NCALD: variants seen among roughly 807,000 people sequenced by gnomAD.
NCALD encodes neurocalcin-delta.
In NCALD, 10 loss-of-function variants were observed where a neutral mutation model predicts 18.6. That is an observed-to-expected ratio of 0.54 (90% CI 0.33 to 0.91). The LOEUF is 0.91. Ranked by LOEUF, NCALD falls within the 40% of genes least tolerant of loss-of-function variation. The probability of loss-of-function intolerance (pLI) is 0.03; values close to 1 mark genes in which losing one functional copy is unlikely to be tolerated. For synonymous variants in NCALD, 88 were observed against 87.4 expected, an observed-to-expected ratio of 1.01 and a Z score of -0.04; for missense variants, 184 against 247.6, an observed-to-expected ratio of 0.74 and a Z score of 1.72.
In NCALD at chr8:101,854,927, T is replaced by C. The variant is rs538638714; in HGVS notation, c.-20+32214A>G. On this transcript the variant is annotated intron_variant, in intron 4 of 6. Transcript: ENST00000311028. Reference sequence around the variant, plus strand: ...AGGGATACTGAGATCAATAATGCCATTGTGTTGGTCCAACTGGGGAAGACT... The same window carrying C: ...AGGGATACTGAGATCAATAATGCCACTGTGTTGGTCCAACTGGGGAAGACT... Among the ~76,000 whole-genome samples the C allele has an allele frequency of 3.9e-5, 6 of 152,248 alleles. No individual in the cohort carries two copies. In the South Asian group the frequency reaches 1.0e-3, roughly 26 times the overall value.
chr8:101,831,041 T>A (rs1051976068), intron 4 of NCALD, among the ~76,000 whole-genome samples: 1 of 152,072 alleles, frequency 6.6e-6, no homozygotes, highest in Non-Finnish European at 1.5e-5. Flanking sequence ...CTGGCTTGAG[T>A]GTACATGATG....
rs981880430 is a variant in NCALD, at chr8:101,872,379, C to A, written c.-20+14762G>T. 31 of 1,527,040 alleles carry A rather than the reference C, an allele frequency of 2.0e-5. No homozygotes were observed. In the African/African-American group the frequency reaches 3.0e-4, roughly 15 times the overall value. 94.6% of individuals were successfully genotyped at this position (1,527,040 alleles called of 1,614,324 possible). A position where few individuals can be genotyped will look rare whatever the true frequency, so the allele number is the denominator to read the frequency against. On this transcript the variant is annotated intron_variant, in intron 4 of 6. Transcript: ENST00000311028. Reference sequence around the variant, plus strand: ...CCTCATTAAACTCGTCTTCATGATCCTCCAGCTCTTCCAAAGTCATATCTT... The same window carrying A: ...CCTCATTAAACTCGTCTTCATGATCATCCAGCTCTTCCAAAGTCATATCTT...
chr8:102,081,564 A>C (rs754045168), intron 1 of NCALD, among the ~76,000 whole-genome samples: 12,276 of 113,722 alleles, frequency 0.11, 794 homozygotes, highest in South Asian at 0.15. Flanking sequence ...AAAAAAAAAA[A>C]AAAAAAAAAA....
At chr8:101,995,060 T>C (rs1821187087) in intron 2 of NCALD, among the ~76,000 whole-genome samples, 1 of 152,238 alleles carries the variant, frequency 6.6e-6, no homozygotes. Context: ...AGTTTGCTTC[T>C]TCTGAACTCA....
At chr8:101,948,244 A>G (rs1819254609) in intron 2 of NCALD, among the ~76,000 whole-genome samples, 1 of 152,246 alleles carries the variant, frequency 6.6e-6, no homozygotes, top group African/African-American at 2.4e-5. Flanking sequence ...ATATAAAGAA[A>G]CAGACAATGT....
intron 2 of NCALD, among the ~76,000 whole-genome samples, chr8:101,993,225 G>A (rs761455564): frequency 7.3e-5 from 11 of 150,518 alleles, no homozygotes; most frequent in South Asian, 2.1e-4. Flanking sequence ...ACCTACTGCC[G>A]CCACTTTTTC....
At chr8:101,854,643 C>T (rs182635512) in intron 4 of NCALD, among the ~76,000 whole-genome samples, 1 of 152,226 alleles carries the variant, frequency 6.6e-6, no homozygotes, top group East Asian at 1.9e-4. Flanking sequence ...CTGTATTTTG[C>T]TGCTGAATAA....
chr8:101,767,658 C>T (rs1219885178), intron 1 of NCALD, among the ~76,000 whole-genome samples: 1 of 152,246 alleles, frequency 6.6e-6, no homozygotes, highest in Non-Finnish European at 1.5e-5. Flanking sequence ...AGGTCATGAT[C>T]CTTACCATTC....
chr8:101,954,357 A>G (rs1398616000), intron 2 of NCALD, among the ~76,000 whole-genome samples: 1 of 152,104 alleles, frequency 6.6e-6, no homozygotes, highest in Non-Finnish European at 1.5e-5. Context: ...GAAAGCAGAA[A>G]TATTCCCAGC....
In NCALD at chr8:101,824,183, T is replaced by C. The variant is rs549837606; in HGVS notation, c.-20+62958A>G. Among the ~76,000 whole-genome samples the C allele has an allele frequency of 3.4e-4, 52 of 152,326 alleles. No homozygotes were observed. The Middle Eastern group carries it at 0.01, about 30-fold the overall frequency. ...TCCTGGCCCAGTCCCAACCTTTATA[T>C]AGAAGCTGGAATATGCTATTATTAC... On this transcript the variant is annotated intron_variant, in intron 4 of 6. Coordinates refer to the NCALD transcript ENST00000311028.
chr8:101,729,164 C>G (rs972347375), intron 1 of NCALD, among the ~76,000 whole-genome samples: 1 of 152,164 alleles, frequency 6.6e-6, no homozygotes, highest in Non-Finnish European at 1.5e-5. Flanking sequence ...CCGAAGAGCA[C>G]ATTGCTTCAG....
intron 2 of NCALD, among the ~76,000 whole-genome samples, chr8:101,938,796 G>T (rs890504847): frequency 1.3e-5 from 2 of 152,164 alleles, no homozygotes; most frequent in African/African-American, 4.8e-5. Context: ...CTGAGCACAG[G>T]GACATGACCC....
At chr8:101,733,991 GC>G (rs2130619167) in intron 1 of NCALD, among the ~76,000 whole-genome samples, 1 of 152,322 alleles carries the variant, frequency 6.6e-6, no homozygotes, top group South Asian at 2.1e-4. Context: ...GATCCCACGA[GC>G]CCCGCTTGAG....
intron 2 of NCALD, among the ~76,000 whole-genome samples, chr8:101,697,436 C>T (rs1452663164): frequency 6.6e-6 from 1 of 152,194 alleles, no homozygotes; most frequent in Non-Finnish European, 1.5e-5. Flanking sequence ...TCCTCCCTAA[C>T]TCATTTTATG....
At chr8:101,798,366 A>G (rs1327745480) in intron 4 of NCALD, among the ~76,000 whole-genome samples, 4 of 152,252 alleles carry the variant, frequency 2.6e-5, no homozygotes. Context: ...CTACACTAGT[A>G]ATGAACATGT....
chr8:101,829,471 T>C lies in NCALD; in HGVS notation c.-20+57670A>G, dbSNP rs1814079850. 2.0e-5 allele frequency among the ~76,000 whole-genome samples: 3 copies of C among 152,360 alleles called. No homozygotes were observed. The South Asian group carries it at 6.2e-4, about 32-fold the overall frequency. Reference sequence around the variant, plus strand: ...GGATGACATCCTGTAACATTTTGTGTACTTCTGGCATTAACTACTTTGTTA... The same window carrying C: ...GGATGACATCCTGTAACATTTTGTGCACTTCTGGCATTAACTACTTTGTTA... On this transcript the variant is annotated intron_variant, in intron 4 of 6. Coordinates refer to the NCALD transcript ENST00000311028.
chr8:101,955,437 A>C (rs1301398554), intron 2 of NCALD, among the ~76,000 whole-genome samples: 1 of 152,188 alleles, frequency 6.6e-6, no homozygotes, highest in Non-Finnish European at 1.5e-5. Context: ...TTCTGAAAAA[A>C]TAAAAGTCAC....
chr8:101,801,283 T>C (rs998018584), intron 4 of NCALD, among the ~76,000 whole-genome samples: 7 of 152,204 alleles, frequency 4.6e-5, no homozygotes, highest in African/African-American at 1.2e-4. Flanking sequence ...ACATCTTTCT[T>C]GGTAACTTAC....
chr8:101,793,567 G>A (rs1417798079), upstream of NCALD, among the ~76,000 whole-genome samples: 1 of 152,238 alleles, frequency 6.6e-6, no homozygotes, highest in East Asian at 1.9e-4. Flanking sequence ...GCATGATGGT[G>A]ATCTCTTTAG....
Sources: allele counts gnomAD v4.1 joint callset (sites outside exome capture counted in the v4.1 genomes callset), GRCh38; gene constraint gnomAD v4.1.1; transcripts MANE v1.5; gene names NCBI Gene and HGNC (gene_info 2026-07-23, HGNC 2026-07-21).